Variants in MMS19 observed in about 807,000 individuals in gnomAD.
The protein encoded by MMS19 is MMS19 nucleotide excision repair protein homolog.
A neutral mutation model predicts 129.8 loss-of-function variants in MMS19; 77 were observed. The observed-to-expected ratio is 0.59, with a 90% CI of 0.49 to 0.72. MMS19 has a LOEUF of 0.72. Among genes scored for constraint, MMS19 ranks in the 30% least tolerant of loss-of-function variants. MMS19 has a pLI of 0.00. For synonymous variants in MMS19, 491 were observed against 502.8 expected, an observed-to-expected ratio of 0.98 and a Z score of 0.31; for missense variants, 1,168 against 1,266.3, an observed-to-expected ratio of 0.92 and a Z score of 1.18.
rs372895081 is a variant in MMS19, at chr10:97,498,323, T to C, written c.62A>G (p.His21Arg). The C allele has an allele frequency of 1.8e-5, 28 of 1,574,984 alleles. No homozygotes were observed. The highest frequency in any genetic ancestry group is 2.1e-5 in the Non-Finnish European group (25 of 1,167,584). ...APMGALWGLV[H>R]DFVVGQQEGP... ...CTCTTGCTGACCCACGACGAAGTCG[T>C]GCACGAGGCCCCATAGGGCACCCAT... is the stretch of plus-strand genomic sequence containing the variant. Residue 21 changes from histidine (H) to arginine (R), a missense_variant, in exon 1 of 31, where the codon CAC becomes CGC. Coordinates refer to ENST00000438925, the MANE Select transcript of MMS19 (RefSeq NM_022362.5).
At chr10:97,497,002 G>A (rs573414406) in intron 1 of MMS19, among the ~76,000 whole-genome samples, 2 of 152,302 alleles carry the variant, frequency 1.3e-5, no homozygotes, top group Admixed American at 6.5e-5. Context: ...AATAAAATAT[G>A]AGGGAAAATG....
rs150782713 is a variant in MMS19 at position 97,464,522 on chromosome 10, A to G, written c.1757-509T>C. Among the ~76,000 whole-genome samples the G allele has an allele frequency of 1.1e-4, 17 of 152,284 alleles. 1 individual carries two copies. The East Asian group carries it at 3.3e-3, about 29-fold the overall frequency. ...CAAACTCAACAGTCTACGAGTTACC[A>G]GGGTACACTGTCAAAATGCAGATTC... is the stretch of plus-strand genomic sequence containing the variant. On this transcript the variant is annotated intron_variant, in intron 18 of 30. Coordinates refer to ENST00000438925, the MANE Select transcript of MMS19 (RefSeq NM_022362.5).
chr10:97,473,087 G>A (rs2035063552), intron 8 of MMS19, among the ~76,000 whole-genome samples: 1 of 151,798 alleles, frequency 6.6e-6, no homozygotes, highest in Non-Finnish European at 1.5e-5. Flanking sequence ...CTAAGCTGGA[G>A]TGCAATGGCG....
intron 18 of MMS19, among the ~76,000 whole-genome samples, chr10:97,465,549 C>G (rs2033271483): frequency 6.6e-6 from 1 of 152,186 alleles, no homozygotes; most frequent in Admixed American, 6.5e-5. Flanking sequence ...AAGTGATCTG[C>G]TGGCCTCGGC....
At chr10:97,468,873 T>C (rs12775357) in intron 12 of MMS19, 93 bp downstream of exon 12, 17 of 1,374,916 alleles carry the variant, frequency 1.2e-5, no homozygotes, top group Non-Finnish European at 1.6e-5. Context: ...CCTCCTAAAG[T>C]GCAGGGATTA....
In MMS19 at chr10:97,498,301, T is replaced by C; in HGVS notation, c.84A>G (p.Gln28=). Residue 28 remains glutamine (Q), a synonymous_variant, in exon 1 of 31, where the codon CAA becomes CAG. Transcript: ENST00000438925. ...GLVHDFVVGQ[Q]EGPADQVAAD... is the part of the protein sequence containing the mutation. ...CAGCCACCTGGTCAGCGGGGCCCTCTTGCTGACCCACGACGAAGTCGTGCA... is the reference window on the plus strand; with the variant it reads ...CAGCCACCTGGTCAGCGGGGCCCTCCTGCTGACCCACGACGAAGTCGTGCA... The C allele has an allele frequency of 6.4e-7, 1 of 1,571,914 alleles. No individual in the cohort carries two copies. Among genetic ancestry groups the C allele is most frequent in the Non-Finnish European group, 8.6e-7 (1 of 1,165,906 alleles).
chr10:97,471,573 T>G (rs1479357784), intron 8 of MMS19, among the ~76,000 whole-genome samples: 1 of 152,160 alleles, frequency 6.6e-6, no homozygotes, highest in Non-Finnish European at 1.5e-5. Context: ...TGCAGTGGCT[T>G]GATCCTAGCT....
At chr10:97,465,156 C>T (rs1438459017) in intron 18 of MMS19, among the ~76,000 whole-genome samples, 2 of 151,978 alleles carry the variant, frequency 1.3e-5, no homozygotes, top group East Asian at 3.9e-4. Flanking sequence ...ATTACAGGCG[C>T]CTGCCACCAT....
chr10:97,480,776 A>T, intron 3 of MMS19, 166 bp downstream of exon 3: 1 of 637,782 alleles, frequency 1.6e-6, no homozygotes, highest in South Asian at 1.8e-5. Flanking sequence ...TTGTGTCTCA[A>T]TTCTAATCAT....
chr10:97,498,535 G>A, upstream of MMS19: 2 of 1,080,338 alleles, frequency 1.9e-6, no homozygotes, highest in Non-Finnish European at 2.5e-6. Context: ...GCAGTTCCAG[G>A]GAGGGGCGGG....
intron 16 of MMS19, 24 bp downstream of exon 16, chr10:97,466,480 T>C (rs531173729): frequency 8.9e-6 from 14 of 1,571,972 alleles, no homozygotes; most frequent in Non-Finnish European, 1.1e-5. Flanking sequence ...CAGCTTGCTC[T>C]ATCTCATTGC....
intron 8 of MMS19, among the ~76,000 whole-genome samples, chr10:97,473,743 T>C (rs1290045330): frequency 2.0e-5 from 3 of 152,136 alleles, no homozygotes; most frequent in Non-Finnish European, 2.9e-5. Flanking sequence ...AAAAGTTCTA[T>C]TGGGATATAG....
At position 97,467,509 on chromosome 10, in the gene MMS19, G is replaced by A. The variant is rs1205349457; in HGVS notation, c.1293C>T (p.Asp431=). Reference sequence around the variant, plus strand: ...TGCAATGGAAGGCAACCTCACCTTTGTCTTCATAGCTCCATTTCTGCTGCA... The same window carrying A: ...TGCAATGGAAGGCAACCTCACCTTTATCTTCATAGCTCCATTTCTGCTGCA... ...LKLQQKWSYE[D]KDQRPLNGFK... The change falls in exon 14 of 31, where the codon GAC becomes GAT. Residue 431 remains aspartate, a synonymous_variant. Coordinates refer to ENST00000438925, the MANE Select transcript of MMS19 (RefSeq NM_022362.5). 1.2e-6 allele frequency: 2 copies of A among 1,613,470 alleles called. No individual in the cohort carries two copies. The highest frequency in any genetic ancestry group is 4.5e-5 in the East Asian group (2 of 44,886).
intron 1 of MMS19, among the ~76,000 whole-genome samples, chr10:97,496,323 C>G (rs925052189): frequency 2.0e-5 from 3 of 151,958 alleles, no homozygotes; most frequent in Admixed American, 1.3e-4. Flanking sequence ...AGAGACCAAC[C>G]TAGGCAACAT....
Position 97,458,727 on chromosome 10 carries a change from C to T in MMS19, c.3066-8G>A. 1 of 1,611,646 alleles carries T rather than the reference C, an allele frequency of 6.2e-7. No homozygotes were observed. Among genetic ancestry groups the T allele is most frequent in the Non-Finnish European group, 8.5e-7 (1 of 1,178,788 alleles). ...GGGCTCCCCAACAGAAACCTGTAGG[C>T]AAAAAGAAAGTTGGCAGCATTAGTG... On this transcript the variant is annotated splice_region_variant and splice_polypyrimidine_tract_variant and intron_variant, in intron 30 of 30. Transcript: ENST00000438925.
chr10:97,464,847 T>C (rs1279761332), intron 18 of MMS19, among the ~76,000 whole-genome samples: 2 of 151,942 alleles, frequency 1.3e-5, no homozygotes, highest in South Asian at 2.1e-4. Flanking sequence ...TACAGGTGCA[T>C]GCCACTGCTC....
rs201251000 is a variant in MMS19 at position 97,477,922 on chromosome 10, C to T, written c.356G>A (p.Cys119Tyr). The T allele has an allele frequency of 2.5e-6, 4 of 1,602,894 alleles. No homozygotes were observed. The highest frequency in any genetic ancestry group is 2.6e-6 in the Non-Finnish European group (3 of 1,175,734). ...AGCCAGCCCTGGGGGCAGGGCCACACACAGGCTCTGGGGGAGAGGAGAAGG... is the reference window on the plus strand; with the variant it reads ...AGCCAGCCCTGGGGGCAGGGCCACATACAGGCTCTGGGGGAGAGGAGAAGG... ...VLQGLKALSL[C>Y]VALPPGLAVS... Residue 119 changes from cysteine to tyrosine, a missense_variant, in exon 5 of 31, where the codon TGT becomes TAT. This residue lies in a region of MMS19 where 329 missense variants were observed against 328.6 expected (regional missense o/e 1.00). Transcript: ENST00000438925.
intron 8 of MMS19, among the ~76,000 whole-genome samples, chr10:97,471,723 C>A (rs2034745372): frequency 6.6e-6 from 1 of 152,168 alleles, no homozygotes; most frequent in African/African-American, 2.4e-5. Context: ...GTTGGCCAGG[C>A]TGGTCTGGAA....
intron 8 of MMS19, among the ~76,000 whole-genome samples, chr10:97,475,691 C>T (rs1309529680): frequency 6.6e-6 from 1 of 152,048 alleles, no homozygotes; most frequent in Non-Finnish European, 1.5e-5. Flanking sequence ...GAGTTGAGAT[C>T]GCACCACTGC....
Sources: allele counts gnomAD v4.1 joint callset (sites outside exome capture counted in the v4.1 genomes callset), GRCh38; gene constraint gnomAD v4.1.1; regional missense constraint gnomAD v4.1.1; transcripts MANE v1.5; gene names NCBI Gene and HGNC (gene_info 2026-07-23, HGNC 2026-07-21).